The following HLA-F variants were observed in gnomAD, a reference collection of about 807,000 sequenced individuals.
HLA-F encodes the protein major histocompatibility complex, class I, F, also known as HLA class I histocompatibility antigen, alpha chain F.
Under a neutral mutation model 49.5 loss-of-function variants are expected in HLA-F, and 46 were observed. The ratio of observed to expected loss-of-function variants is 0.93; its 90% confidence interval spans 0.73 to 1.19. HLA-F has a LOEUF of 1.19. Among genes scored for constraint, HLA-F ranks in the 50% most tolerant of loss-of-function variants. The pLI, the probability that HLA-F is intolerant of heterozygous loss-of-function variation, is 0.00. For synonymous variants in HLA-F, 203 were observed against 233.5 expected, an observed-to-expected ratio of 0.87 and a Z score of 1.19; for missense variants, 496 against 579.6, an observed-to-expected ratio of 0.86 and a Z score of 1.48.
chr6:29,725,065 C>T lies in HLA-F; in HGVS notation c.645C>T (p.Ile215=). 6.2e-7 allele frequency: 1 copy of T among 1,614,004 alleles called. No homozygotes were observed. Residue 215 remains isoleucine, a synonymous_variant, in exon 4 of 7, where the codon ATC becomes ATT. Coordinates refer to ENST00000259951, the MANE Select transcript of HLA-F (RefSeq NM_001098479.2). ...AGGCACACGTTGCCCACCACCCCAT[C>T]TCTGACCATGAGGCCACCCTGAGGT... The part of the protein sequence containing the change: ...PPKAHVAHHP[I]SDHEATLRCW...
chr6:29,724,917 C>T, intron 3 of HLA-F, 114 bp from the exon 4 acceptor site: 1 of 1,208,392 alleles, frequency 8.3e-7, no homozygotes, highest in Non-Finnish European at 1.2e-6. Flanking sequence ...TGTCTGGGTT[C>T]TGTGCTCCCT....
intron 3 of HLA-F, chr6:29,736,482 A>T (rs2743919): frequency 0.41 from 179,634 of 442,752 alleles, 37,741 homozygotes; most frequent in Non-Finnish European, 0.44. Flanking sequence ...AAAACATCAG[A>T]AATGTATACT....
chr6:29,725,583 G>A lies in HLA-F; in HGVS notation c.1003+20G>A, dbSNP rs756546484. 2 of 1,601,646 alleles carry A rather than the reference G, an allele frequency of 1.2e-6. No individual in the cohort carries two copies. Among genetic ancestry groups the A allele is most frequent in the South Asian group, 2.2e-5 (2 of 90,720 alleles). On this transcript the variant is annotated intron_variant, in intron 5 of 6. Coordinates refer to ENST00000259951, the MANE Select transcript of HLA-F (RefSeq NM_001098479.2). ...GCTCAGGTAGGAAGGGGTGAGGAGT[G>A]GAGTCTGAGTTTTCTTGTCCCACTG...
intron 6 of HLA-F, chr6:29,726,284 G>T: frequency 9.0e-7 from 1 of 1,109,988 alleles, no homozygotes; most frequent in South Asian, 1.2e-5. Context: ...GAACAGAGGG[G>T]ACTCAGCTGT....
exon 4 of HLA-F, chr6:29,738,133 C>A (rs760112562): frequency 6.6e-6 from 1 of 152,266 alleles, no homozygotes; most frequent in African/African-American, 2.4e-5. Flanking sequence ...AAAGTTGACT[C>A]ATACTGGTGT....
chr6:29,729,487 CTCAAT>C (rs1274118604), downstream of HLA-F: 1 of 152,162 alleles, frequency 6.6e-6, no homozygotes, highest in Non-Finnish European at 1.5e-5. Context: ...CAAAAATTAA[CTCAAT>C]TAACTCAGAA....
At position 29,726,020 on chromosome 6, in the gene HLA-F, G is replaced by C. The variant is rs377232421; in HGVS notation, c.1013G>C (p.Arg338Thr). The C allele has an allele frequency of 3.1e-6, 5 of 1,614,000 alleles. No homozygotes were observed. In the African/African-American group the frequency reaches 6.7e-5, roughly 22 times the overall value. ...CATTTTCTTCCCATAGATAGAAACAGAGGGAGCTACTCTCAGGCTGCAGGT... is the reference window on the plus strand; with the variant it reads ...CATTTTCTTCCCATAGATAGAAACACAGGGAGCTACTCTCAGGCTGCAGGT... ...MWRKKSSDRN[R>T]GSYSQAAAYS... Residue 338 changes from arginine (R) to threonine (T), a missense_variant, in exon 6 of 7, where the codon AGA (arginine) becomes ACA (threonine). Physicochemically the swap from Arg to Thr is moderately conservative, Grantham distance 71. Transcript: ENST00000259951.
At chr6:29,726,767 T>G in intron 6 of HLA-F, 116 bp from the exon 7 acceptor site, 1 of 1,268,984 alleles carries the variant, frequency 7.9e-7, no homozygotes, top group Non-Finnish European at 1.1e-6. Flanking sequence ...ATCAGAGTGT[T>G]GACTTTGGCC....
downstream of HLA-F, among the ~76,000 whole-genome samples, chr6:29,731,607 C>T (rs1346663032): frequency 6.6e-6 from 1 of 152,092 alleles, no homozygotes; most frequent in Non-Finnish European, 1.5e-5. Context: ...TGTGGCTGCC[C>T]ACAGCGAGAG....
chr6:29,736,967 T>G (rs1777156230), intron 3 of HLA-F: 1 of 152,150 alleles, frequency 6.6e-6, no homozygotes, highest in Non-Finnish European at 1.5e-5. Context: ...GATTAGAAAC[T>G]TGGTTTAGTC....
chr6:29,736,856 C>G (rs1633099), intron 3 of HLA-F: 39,178 of 153,054 alleles, frequency 0.26, 5,155 homozygotes, highest in South Asian at 0.34. Flanking sequence ...TCAGAGTCTA[C>G]AAATCGTGCT....
chr6:29,737,218 C>CAAAAAAAAAAAAAAAAAAAAAA (rs3030698), intron 3 of HLA-F, among the ~76,000 whole-genome samples: 1 of 65,194 alleles, frequency 1.5e-5, no homozygotes, highest in African/African-American at 7.4e-5. Flanking sequence ...ATCCTCATGG[C>CAAAAAAAAAAAAAAAAAAAAAA]AAAAAAAAAA....
At chr6:29,725,933 C>G (rs933328475) in intron 5 of HLA-F, 78 bp from the exon 6 acceptor site, 19 of 1,484,246 alleles carry the variant, frequency 1.3e-5, no homozygotes, top group Admixed American at 1.8e-5. Context: ...TCTCTGGGAT[C>G]AAAGACTAGG....
intron 2 of HLA-F, 112 bp from the exon 3 acceptor site, chr6:29,724,061 A>G: frequency 1.3e-6 from 2 of 1,548,342 alleles, no homozygotes; most frequent in Middle Eastern, 1.7e-4. Context: ...CACCCGGGAG[A>G]GTCCCAGGCG....
chr6:29,725,305 G>A lies in HLA-F; in HGVS notation c.885G>A (p.Trp295Ter). The A allele has an allele frequency of 6.2e-7, 1 of 1,614,120 alleles. No individual in the cohort carries two copies. The highest frequency in any genetic ancestry group is 1.3e-5 in the African/African-American group (1 of 75,050). The change falls in exon 4 of 7, where the codon TGG becomes TGA. Residue 295 changes from tryptophan to a stop codon, truncating the protein, a stop_gained and splice_region_variant. Coordinates refer to ENST00000259951, the MANE Select transcript of HLA-F (RefSeq NM_001098479.2). LOFTEE classifies it high-confidence loss of function. ...TGCCCCAGCCCCTCATCCTGAGATG[G>A]GGTAAGGAGGGAGATGGGTAAAGAG... is the stretch of plus-strand genomic sequence containing the variant. ...EGLPQPLILR[W>*]EQSPQPTIPI... is the part of the protein sequence containing the mutation.
chr6:29,724,001 T>C (rs1438636098), intron 2 of HLA-F, 74 bp downstream of exon 2: 1 of 1,552,204 alleles, frequency 6.4e-7, no homozygotes, highest in African/African-American at 1.4e-5. Context: ...TCCCTCAGAG[T>C]CTCCGGATCC....
intron 3 of HLA-F, among the ~76,000 whole-genome samples, chr6:29,737,218 C>CA (rs3030698): frequency 0.071 from 4,587 of 64,560 alleles, 196 homozygotes; most frequent in South Asian, 0.14. Context: ...ATCCTCATGG[C>CA]AAAAAAAAAA....
intron 3 of HLA-F, among the ~76,000 whole-genome samples, chr6:29,734,656 C>G (rs1327397015): frequency 6.6e-6 from 1 of 152,126 alleles, no homozygotes; most frequent in Admixed American, 6.5e-5. Flanking sequence ...TACTGTGATA[C>G]AATATACATG....
chr6:29,727,816 G>A, downstream of HLA-F: 1 of 409,740 alleles, frequency 2.4e-6, no homozygotes, highest in Non-Finnish European at 4.8e-6. Flanking sequence ...TTCCTCACGA[G>A]CTTTAGTTCC....
Sources: gnomAD v4.1 joint callset for allele counts (sites outside exome capture counted in the v4.1 genomes callset) on GRCh38, gnomAD v4.1.1 for gene constraint, MANE v1.5 for transcripts, NCBI Gene and HGNC (gene_info 2026-07-23, HGNC 2026-07-21) for gene names.